Variants in PANK3 observed in about 807,000 individuals in gnomAD.
The protein encoded by PANK3 is hPanK3.
A neutral mutation model predicts 39.4 loss-of-function variants in PANK3; 20 were observed. That is an observed-to-expected ratio of 0.51 (90% CI 0.36 to 0.74). The LOEUF (loss-of-function observed/expected upper bound fraction) is 0.74, where lower values mean the gene tolerates loss of function less well. PANK3 is among the 30% of genes least tolerant of loss of function. The probability of loss-of-function intolerance (pLI) is 0.00; values close to 1 mark genes in which losing one functional copy is unlikely to be tolerated. For synonymous variants in PANK3, 140 were observed against 157.3 expected (o/e 0.89, Z 0.82); for missense variants, 265 against 437.0 (o/e 0.61, Z 3.51).
At chr5:168,567,302 T>C (rs1759551815) in intron 2 of PANK3, among the ~76,000 whole-genome samples, 3 of 152,204 alleles carry the variant, frequency 2.0e-5, no homozygotes, top group African/African-American at 7.2e-5. Flanking sequence ...TGATGTCCTC[T>C]GGAATGATCA....
chr5:168,561,929 G>A (rs1269556878), intron 4 of PANK3, among the ~76,000 whole-genome samples: 2 of 152,140 alleles, frequency 1.3e-5, no homozygotes, highest in African/African-American at 4.8e-5. Flanking sequence ...CTCAAACAGT[G>A]AATTAGTCTA....
chr5:168,576,697 T>G (rs1759735722), intron 1 of PANK3, among the ~76,000 whole-genome samples: 1 of 152,122 alleles, frequency 6.6e-6, no homozygotes, highest in Admixed American at 6.6e-5. Flanking sequence ...CAATATAATA[T>G]ACAGCTTCTT....
intron 5 of PANK3, among the ~76,000 whole-genome samples, chr5:168,560,642 C>CAATGAATAAATGAATG (rs1432730068): frequency 6.6e-6 from 1 of 152,124 alleles, no homozygotes; most frequent in Non-Finnish European, 1.5e-5. Context: ...AATATTTACT[C>CAATGAATAAATGAATG]AATGAATAAA....
In PANK3 at chr5:168,563,967, T is replaced by G; in HGVS notation, c.734A>C (p.Gln245Pro). 1 of 1,613,748 alleles carries G rather than the reference T, an allele frequency of 6.2e-7. No homozygotes were observed. The highest frequency in any genetic ancestry group is 8.5e-7 in the Non-Finnish European group (1 of 1,179,806). The change falls in exon 4 of 7, where the codon CAA becomes CCA. Residue 245 changes from glutamine to proline, a missense_variant. Transcript: ENST00000239231. ...AATATCACGGACCAGCTTGTCAGCT[T>G]GTGTGCTATCACCTTTGGATGCCAT... is the stretch of plus-strand genomic sequence containing the variant. The part of the protein sequence containing the change: ...LEMASKGDST[Q>P]ADKLVRDIYG...
intron 1 of PANK3, chr5:168,578,503 A>C (rs1332802330): frequency 6.6e-6 from 1 of 152,222 alleles, no homozygotes; most frequent in African/African-American, 2.4e-5. Flanking sequence ...CTGGGTGATT[A>C]AATAAGTCAA....
chr5:168,556,173 G>A lies in PANK3; in HGVS notation c.*1398C>T, dbSNP rs951802279. 1.1e-4 allele frequency: 16 copies of A among 152,252 alleles called. No homozygotes were observed. The highest frequency in any genetic ancestry group is 3.6e-4 in the African/African-American group (15 of 41,462). The allele number at this position is 152,252 out of a possible 1,614,324, so 9.4% of individuals were successfully genotyped here. A position where few individuals can be genotyped will look rare whatever the true frequency, so the allele number is the denominator to read the frequency against. On this transcript the variant is annotated 3_prime_UTR_variant, in exon 7 of 7. Transcript: ENST00000239231. ...AGGCAAGGGGAATAGGAAAGAAAGT[G>A]CGAGATAAGAGCATGGTGGCCTCTT...
intron 1 of PANK3, among the ~76,000 whole-genome samples, chr5:168,569,933 T>G (rs951511702): frequency 6.6e-6 from 1 of 152,018 alleles, no homozygotes; most frequent in East Asian, 1.9e-4. Flanking sequence ...GCACCTGTAG[T>G]CCCAGTTACA....
intron 1 of PANK3, among the ~76,000 whole-genome samples, chr5:168,571,721 T>C (rs1425076186): frequency 6.6e-6 from 1 of 152,220 alleles, no homozygotes; most frequent in African/African-American, 2.4e-5. Flanking sequence ...AAGAAGTCTA[T>C]ACATTTCTCC....
rs1582464605 is a variant in PANK3, at chr5:168,565,958, A to G, written c.635+55T>C. ...AATGACATTATTATACTGATTTCAT[A>G]ACTTCTGTGTATAAAACAATGTGAA... On this transcript the variant is annotated intron_variant, in intron 3 of 6. Coordinates refer to ENST00000239231, the MANE Select transcript of PANK3 (RefSeq NM_024594.4). 8 of 1,515,256 alleles carry G rather than the reference A, an allele frequency of 5.3e-6. No individual in the cohort carries two copies. In the East Asian group the frequency reaches 1.4e-4, roughly 26 times the overall value. 93.9% of individuals were successfully genotyped at this position (1,515,256 alleles called of 1,614,324 possible).
chr5:168,568,549 G>A (rs1305678292), intron 2 of PANK3, 97 bp downstream of exon 2: 9 of 928,408 alleles, frequency 9.7e-6, no homozygotes, highest in Non-Finnish European at 1.5e-5. Context: ...ATTTCCCACT[G>A]CATGTGCAGG....
chr5:168,568,228 T>C (rs1488206179), intron 2 of PANK3, among the ~76,000 whole-genome samples: 2 of 152,182 alleles, frequency 1.3e-5, no homozygotes, highest in Non-Finnish European at 2.9e-5. Context: ...CAAAAGACAT[T>C]GGTTTCCAGA....
Position 168,567,599 on chromosome 5 carries a change from C to A in PANK3, c.381+1047G>T, listed in dbSNP as rs147450236. 3.1e-3 allele frequency among the ~76,000 whole-genome samples: 474 copies of A among 152,180 alleles called. 3 individuals are homozygous for A. Among genetic ancestry groups the A allele is most frequent in the African/African-American group, 0.011 (450 of 41,526 alleles). On this transcript the variant is annotated intron_variant, in intron 2 of 6. Transcript: ENST00000239231. ...TCTTTACCTCAAATTATATGGGTCTCGCTTCTATGAGCCATTTAAGTTATT... is the reference window on the plus strand; with the variant it reads ...TCTTTACCTCAAATTATATGGGTCTAGCTTCTATGAGCCATTTAAGTTATT...
rs564741822 is a variant in PANK3 at position 168,552,025 on chromosome 5, T to G, written c.*5546A>C. On this transcript the variant is annotated 3_prime_UTR_variant, in exon 7 of 7. Transcript: ENST00000239231. The stretch of plus-strand genomic sequence containing the variant: ...AAAAGGCACTAGTTCTACAAGTCTC[T>G]AATTAAAAGGCAATCTTCTCGCGGG... The G allele has an allele frequency of 6.6e-6, 1 of 152,374 alleles. No individual in the cohort carries two copies. The highest frequency in any genetic ancestry group is 1.5e-5 in the Non-Finnish European group (1 of 68,018). The allele number at this position is 152,374 out of a possible 1,614,324, so 9.4% of individuals were successfully genotyped here. A position where few individuals can be genotyped will look rare whatever the true frequency, so the allele number is the denominator to read the frequency against.
chr5:168,558,391 C>T (rs899234907), intron 6 of PANK3, among the ~76,000 whole-genome samples: 2 of 151,980 alleles, frequency 1.3e-5, no homozygotes, highest in Admixed American at 6.5e-5. Context: ...GTCTTGATCT[C>T]CTGACCTCGT....
chr5:168,569,026 A>ATATATATATATATATATATAT (rs1190074252), intron 1 of PANK3, 28 bp from the exon 2 acceptor site: 1 of 305,946 alleles, frequency 3.3e-6, no homozygotes, highest in African/African-American at 3.8e-5. Context: ...AAAAAAAAAA[A>ATATATATATATATATATATAT]AAAAATATAT....
At chr5:168,557,704 G>C in intron 6 of PANK3, 83 bp from the exon 7 acceptor site, 1 of 1,066,452 alleles carries the variant, frequency 9.4e-7, no homozygotes, top group South Asian at 1.5e-5. Flanking sequence ...ACACAACTAT[G>C]CACAATCTAT....
rs560159382 is a variant in PANK3, at chr5:168,572,690, T to G, written c.29-3692A>C. Among the ~76,000 whole-genome samples the G allele has an allele frequency of 6.2e-4, 94 of 152,288 alleles. 1 individual carries two copies. In the South Asian group the frequency reaches 0.019, roughly 30 times the overall value. Reference sequence around the variant, plus strand: ...CTTCAGTTGCTTCAGGCCATCTGGATGTATATGTGCAAGTCACAGGGGATA... The same window carrying G: ...CTTCAGTTGCTTCAGGCCATCTGGAGGTATATGTGCAAGTCACAGGGGATA... On this transcript the variant is annotated intron_variant, in intron 1 of 6. Transcript: ENST00000239231.
At chr5:168,561,546 C>T in intron 4 of PANK3, 30 bp from the exon 5 acceptor site, 3 of 1,532,700 alleles carry the variant, frequency 2.0e-6, no homozygotes, top group East Asian at 2.3e-5. Context: ...AAAGTCAAAT[C>T]TGCTGATAAA....
rs1238648953 is a variant in PANK3, at chr5:168,550,719, A to G, written c.*6852T>C. On this transcript the variant is annotated 3_prime_UTR_variant, in exon 7 of 7. Transcript: ENST00000239231. ...CTAAATATTAACTCCAAAACATGAC[A>G]CCAAATACCTGAAAAAAAATTTACT... is the stretch of plus-strand genomic sequence containing the variant. 1 of 152,136 alleles carries G rather than the reference A, an allele frequency of 6.6e-6. No individual in the cohort carries two copies. Among genetic ancestry groups the G allele is most frequent in the African/African-American group, 2.4e-5 (1 of 41,428 alleles). 9.4% of individuals were successfully genotyped at this position (152,136 alleles called of 1,614,324 possible).
Sources: gnomAD v4.1 joint callset for allele counts (sites outside exome capture counted in the v4.1 genomes callset) on GRCh38, gnomAD v4.1.1 for gene constraint, MANE v1.5 for transcripts, NCBI Gene and HGNC (gene_info 2026-07-23, HGNC 2026-07-21) for gene names.